CLN5: variants seen among roughly 807,000 people sequenced by gnomAD.
CLN5 encodes bis(monoacylglycero)phosphate synthase CLN5.
A neutral mutation model predicts 36.7 loss-of-function variants in CLN5; 34 were observed. That is an observed-to-expected ratio of 0.93 (90% CI 0.71 to 1.23). The LOEUF (loss-of-function observed/expected upper bound fraction) is 1.23, where lower values mean the gene tolerates loss of function less well. CLN5 is among the 50% of genes most tolerant of loss of function. The pLI, the probability that CLN5 is intolerant of heterozygous loss-of-function variation, is 0.00. For synonymous variants in CLN5, 151 were observed against 155.1 expected (o/e 0.97, Z 0.20); for missense variants, 427 against 439.4 (o/e 0.97, Z 0.25).
intron 1 of CLN5, 139 bp from the exon 2 acceptor site, chr13:76,994,924 A>G: frequency 1.4e-6 from 1 of 705,060 alleles, no homozygotes; most frequent in Non-Finnish European, 2.3e-6. Context: ...TTCACAAGAT[A>G]ACAAAATGTG....
intron 1 of CLN5, 34 bp from the exon 2 acceptor site, chr13:76,995,029 G>T: frequency 6.2e-7 from 1 of 1,603,056 alleles, no homozygotes; most frequent in African/African-American, 1.3e-5. Flanking sequence ...ATTCATTTTA[G>T]AATCTAAGTA....
In CLN5 at chr13:77,000,644, A is replaced by G. The variant is rs777477178; in HGVS notation, c.752A>G (p.Asn251Ser). 6.8e-6 allele frequency: 11 copies of G among 1,614,148 alleles called. No individual in the cohort carries two copies. The highest frequency in any genetic ancestry group is 9.3e-6 in the Non-Finnish European group (11 of 1,179,996). ...GCTGAATTTGGAGCAGAGTTCAAGAACATAGAAACCAACTATACAAGAATA... is the reference window on the plus strand; with the variant it reads ...GCTGAATTTGGAGCAGAGTTCAAGAGCATAGAAACCAACTATACAAGAATA... ...KLAEFGAEFK[N>S]IETNYTRIFL... The change falls in exon 4 of 4, where the codon AAC becomes AGC. Residue 251 changes from asparagine to serine, a missense_variant. Physicochemically the swap from Asn to Ser is conservative, Grantham distance 46. Transcript: ENST00000377453.
rs551621726 is a variant in CLN5, at chr13:77,002,054, T to G, written c.*1085T>G. ...GATGATCAACTGAACACGTTTCTATTCAAGGAGAAAACACCATTCAGTAAG... is the reference window on the plus strand; with the variant it reads ...GATGATCAACTGAACACGTTTCTATGCAAGGAGAAAACACCATTCAGTAAG... On this transcript the variant is annotated 3_prime_UTR_variant, in exon 4 of 4. Transcript: ENST00000377453. 6.6e-6 allele frequency: 1 copy of G among 152,332 alleles called. No homozygotes were observed. The highest frequency in any genetic ancestry group is 1.9e-4 in the East Asian group (1 of 5,190). The allele number at this position is 152,332 out of a possible 1,614,324, so 9.4% of individuals were successfully genotyped here. A position where few individuals can be genotyped will look rare whatever the true frequency, so the allele number is the denominator to read the frequency against.
intron 2 of CLN5, 146 bp downstream of exon 2, chr13:76,995,374 A>C: frequency 1.3e-6 from 1 of 741,390 alleles, no homozygotes; most frequent in South Asian, 1.5e-5. Flanking sequence ...GTAGTCAAAA[A>C]TAGTTACTAT....
At position 76,995,970 on chromosome 13, in the gene CLN5, T is replaced by C; in HGVS notation, c.408T>C (p.Tyr136=). Residue 136 remains tyrosine (Y), a synonymous_variant, in exon 3 of 4, where the codon TAT becomes TAC. Transcript: ENST00000377453. ...GCAAGAACTACACAATGGAATGGTA[T>C]GAACTTTTCCAACTTGGCAACTGTA... ...LTGKNYTMEW[Y]ELFQLGNCTF... 3 of 1,614,240 alleles carry C rather than the reference T, an allele frequency of 1.9e-6. No homozygotes were observed. Among genetic ancestry groups the C allele is most frequent in the Non-Finnish European group, 2.5e-6 (3 of 1,180,048 alleles).
At chr13:77,000,309 C>G in intron 3 of CLN5, 149 bp from the exon 4 acceptor site, 1 of 668,466 alleles carries the variant, frequency 1.5e-6, no homozygotes. Context: ...CACTTAAGCC[C>G]AGGAGGTCAA....
intron 2 of CLN5, 64 bp from the exon 3 acceptor site, chr13:76,995,838 A>C: frequency 8.2e-7 from 1 of 1,226,856 alleles, no homozygotes; most frequent in Non-Finnish European, 1.2e-6. Context: ...ATTTTCTCCT[A>C]TCAGGTTACC....
intron 1 of CLN5, chr13:76,994,227 A>T (rs2034227564): frequency 1.3e-5 from 2 of 152,250 alleles, no homozygotes; most frequent in Admixed American, 6.5e-5. Context: ...AGCCCCTGCC[A>T]GTCTCTTCCG....
At position 76,992,131 on chromosome 13, in the gene CLN5, C is replaced by T. The variant is rs530381028; in HGVS notation, c.33C>T (p.Ala11=). ...AGGAGGTAGACACGGCACAGGGCGC[C>T]GAGATGCGGCGGGGCGCGGGCGCGG... The part of the protein sequence containing the change: MAQEVDTAQG[A]EMRRGAGAAR... Residue 11 remains alanine, a synonymous_variant, in exon 1 of 4, where the codon GCC becomes GCT. Transcript: ENST00000377453. 7 of 1,610,002 alleles carry T rather than the reference C, an allele frequency of 4.3e-6. No individual in the cohort carries two copies. Among genetic ancestry groups the T allele is most frequent in the Non-Finnish European group, 5.1e-6 (6 of 1,178,540 alleles).
In CLN5 at chr13:77,002,635, T is replaced by A. The variant is rs975619395; in HGVS notation, c.*1666T>A. ...CCAGTCACCAGATATCTTCCTCAAA[T>A]ACAGAGGGAGAACTTTCTTTCACGC... On this transcript the variant is annotated 3_prime_UTR_variant, in exon 4 of 4. Transcript: ENST00000377453. The A allele has an allele frequency of 6.6e-6, 1 of 152,130 alleles. No individual in the cohort carries two copies. The highest frequency in any genetic ancestry group is 2.4e-5 in the African/African-American group (1 of 41,426). 9.4% of individuals were successfully genotyped at this position (152,130 alleles called of 1,614,324 possible). A position where few individuals can be genotyped will look rare whatever the true frequency, so the allele number is the denominator to read the frequency against.
chr13:76,999,132 G>T (rs1327582465), intron 3 of CLN5: 4 of 152,204 alleles, frequency 2.6e-5, no homozygotes, highest in Admixed American at 2.6e-4. Flanking sequence ...GCTAAGAACA[G>T]TATCCCCAGT....
intron 1 of CLN5, 50 bp downstream of exon 1, chr13:76,992,321 T>TGGGGGATG (rs1227492501): frequency 1.2e-5 from 9 of 760,686 alleles, no homozygotes; most frequent in African/African-American, 2.1e-5. Flanking sequence ...GCGTTGACGA[T>TGGGGGATG]GGGGGATGGG....
intron 3 of CLN5, chr13:76,998,573 T>C (rs1275924869): frequency 1.3e-5 from 2 of 152,238 alleles, no homozygotes. Flanking sequence ...CCTATTTGTA[T>C]AGCTCTTTAC....
rs1696247688 is a variant in CLN5, at chr13:76,995,066, C to T, written c.177C>T (p.Arg59=). 3.1e-6 allele frequency: 5 copies of T among 1,613,506 alleles called. No individual in the cohort carries two copies. The African/African-American group carries it at 4.0e-5, about 13-fold the overall frequency. The change falls in exon 2 of 4, where the codon CGC becomes CGT. Residue 59 remains arginine (R), a synonymous_variant. Transcript: ENST00000377453. ...ATGGTTTCTTTTTCTTTATTAGGCG[C>T]TTTGACTTCCGTCCAAAACCTGATC... ...SRRHWPVPYK[R]FDFRPKPDPY...
At chr13:76,992,675 A>T in intron 1 of CLN5, 1 of 225,428 alleles carries the variant, frequency 4.4e-6, no homozygotes. Context: ...CATTTGGTAC[A>T]ATTTACTGGG....
intron 2 of CLN5, 168 bp from the exon 3 acceptor site, chr13:76,995,734 C>T: frequency 1.5e-6 from 1 of 677,964 alleles, no homozygotes; most frequent in South Asian, 1.7e-5. Context: ...GGATGAGGGC[C>T]TGGAGTTTGG....
rs182077548 is a variant in CLN5 at position 76,993,713 on chromosome 13, A to G, written c.174-1350A>G. ...GATTATGTATTTGTTTAAACCAGGT[A>G]AGTGCCTATAAAACACTGTACCCAA... On this transcript the variant is annotated intron_variant, in intron 1 of 3. Transcript: ENST00000377453. 84 of 152,370 alleles carry G rather than the reference A, an allele frequency of 5.5e-4. 2 individuals are homozygous for G. Among genetic ancestry groups the G allele is most frequent in the African/African-American group, 2.0e-3 (82 of 41,576 alleles). 9.4% of individuals were successfully genotyped at this position (152,370 alleles called of 1,614,324 possible). A position where few individuals can be genotyped will look rare whatever the true frequency, so the allele number is the denominator to read the frequency against.
chr13:76,998,197 A>G (rs2154034952), intron 3 of CLN5: 2 of 152,302 alleles, frequency 1.3e-5, no homozygotes, highest in Admixed American at 1.3e-4. Flanking sequence ...CCTCTTGAGC[A>G]GTTTAAATAT....
In CLN5 at chr13:77,002,971, T is replaced by G. The variant is rs1435326611; in HGVS notation, c.*2002T>G. ...AAATGAGGATATCTGTACCTGGAAC[T>G]TTTAAACAAGATTCTAATAGTTATG... On this transcript the variant is annotated 3_prime_UTR_variant, in exon 4 of 4. Coordinates refer to ENST00000377453, the MANE Select transcript of CLN5 (RefSeq NM_006493.4). The G allele has an allele frequency of 6.6e-6, 1 of 152,198 alleles. No homozygotes were observed. The highest frequency in any genetic ancestry group is 1.5e-5 in the Non-Finnish European group (1 of 68,036). 9.4% of individuals were successfully genotyped at this position (152,198 alleles called of 1,614,324 possible).
Sources: allele counts gnomAD v4.1 joint callset, GRCh38; gene constraint gnomAD v4.1.1; transcripts MANE v1.5; gene names NCBI Gene and HGNC (gene_info 2026-07-23, HGNC 2026-07-21).